Variants in NKAIN2 observed in about 807,000 individuals in gnomAD.
The protein encoded by NKAIN2 is sodium/potassium-transporting ATPase subunit beta-1-interacting protein 2.
A neutral mutation model predicts 32.6 loss-of-function variants in NKAIN2; 14 were observed. The ratio of observed to expected loss-of-function variants is 0.43; its 90% CI spans 0.28 to 0.67. NKAIN2 has a LOEUF of 0.67. Ranked by LOEUF, NKAIN2 falls within the 30% of genes least tolerant of loss-of-function variation. NKAIN2 has a pLI of 0.17. For synonymous variants in NKAIN2, 80 were observed against 87.2 expected, an observed-to-expected ratio of 0.92 and a Z score of 0.46; for missense variants, 198 against 258.3, an observed-to-expected ratio of 0.77 and a Z score of 1.60.
intron 1 of NKAIN2, among the ~76,000 whole-genome samples, chr6:123,918,135 C>G (rs538157519): frequency 3.9e-5 from 6 of 152,100 alleles, no homozygotes; most frequent in Non-Finnish European, 7.4e-5. Context: ...CATCCCTACT[C>G]CACTCCAGAG....
intron 3 of NKAIN2, among the ~76,000 whole-genome samples, chr6:124,513,713 C>A (rs2249207): frequency 0.98 from 149,863 of 152,280 alleles, 73,784 homozygotes; most frequent in Non-Finnish European, 1. Context: ...ACAGAATCAC[C>A]AAAAGTCTAT....
intron 1 of NKAIN2, among the ~76,000 whole-genome samples, chr6:124,013,952 C>T (rs568901414): frequency 6.6e-6 from 1 of 152,250 alleles, no homozygotes; most frequent in South Asian, 2.1e-4. Context: ...ACGGTACCAG[C>T]ACCTAGGTTT....
At chr6:124,287,782 T>A (rs908489939) in intron 2 of NKAIN2, among the ~76,000 whole-genome samples, 1 of 152,172 alleles carries the variant, frequency 6.6e-6, no homozygotes, top group African/African-American at 2.4e-5. Context: ...TGTTTATAAG[T>A]TAATGATAAA....
intron 3 of NKAIN2, among the ~76,000 whole-genome samples, chr6:124,521,850 A>G (rs1779130252): frequency 6.6e-6 from 1 of 151,966 alleles, no homozygotes; most frequent in Admixed American, 6.6e-5. Context: ...ACCCTTTCTC[A>G]GCAAATAAAT....
intron 3 of NKAIN2, among the ~76,000 whole-genome samples, chr6:124,585,733 ATT>A (rs1426520373): frequency 3.9e-4 from 60 of 152,356 alleles, no homozygotes; most frequent in African/African-American, 1.4e-3. Context: ...ATAAGTTATT[ATT>A]ACACACTTAT....
At chr6:124,412,767 C>T (rs1007827632) in intron 3 of NKAIN2, among the ~76,000 whole-genome samples, 13 of 152,204 alleles carry the variant, frequency 8.5e-5, no homozygotes, top group Non-Finnish European at 4.4e-5. Flanking sequence ...GCCCTGCCCC[C>T]AGAGGTGGAG....
intron 4 of NKAIN2, among the ~76,000 whole-genome samples, chr6:124,727,790 A>T (rs963944798): frequency 4.2e-4 from 11 of 26,430 alleles, no homozygotes; most frequent in African/African-American, 1.5e-3. Flanking sequence ...AAGACCCATC[A>T]GTGTGCTGTA....
intron 1 of NKAIN2, among the ~76,000 whole-genome samples, chr6:123,884,846 C>G (rs930469012): frequency 6.6e-6 from 1 of 152,026 alleles, no homozygotes; most frequent in Admixed American, 6.6e-5. Flanking sequence ...TGAGCAACAA[C>G]GTCTTGATTA....
chr6:124,581,481 A>G (rs966741924), intron 3 of NKAIN2, among the ~76,000 whole-genome samples: 1 of 149,498 alleles, frequency 6.7e-6, no homozygotes, highest in Non-Finnish European at 1.5e-5. Flanking sequence ...GAAACATTGG[A>G]CTTAATCTGA....
intron 1 of NKAIN2, among the ~76,000 whole-genome samples, chr6:124,016,369 C>T (rs1204898134): frequency 1.3e-5 from 2 of 152,110 alleles, no homozygotes; most frequent in Non-Finnish European, 2.9e-5. Flanking sequence ...CCTTCATATA[C>T]AATGTTTGTT....
chr6:124,629,147 T>C (rs1443879669), intron 3 of NKAIN2, among the ~76,000 whole-genome samples: 1 of 152,180 alleles, frequency 6.6e-6, no homozygotes, highest in African/African-American at 2.4e-5. Context: ...CTTTCTCATC[T>C]CTGAAAAACC....
intron 1 of NKAIN2, among the ~76,000 whole-genome samples, chr6:124,089,622 T>C (rs1582622038): frequency 6.6e-6 from 1 of 152,078 alleles, no homozygotes; most frequent in South Asian, 2.1e-4. Context: ...ACAAGACTAT[T>C]GCAGGCAAAC....
At chr6:124,014,359 G>T (rs1282472663) in intron 1 of NKAIN2, among the ~76,000 whole-genome samples, 1 of 151,976 alleles carries the variant, frequency 6.6e-6, no homozygotes, top group South Asian at 2.1e-4. Flanking sequence ...ATTGTAACTG[G>T]CCATTAGTCT....
At chr6:123,833,162 A>G (rs115420569) in intron 1 of NKAIN2, among the ~76,000 whole-genome samples, 1 of 151,978 alleles carries the variant, frequency 6.6e-6, no homozygotes, top group Non-Finnish European at 1.5e-5. Flanking sequence ...TTTTTTTTGC[A>G]TCTGGATGTC....
intron 4 of NKAIN2, among the ~76,000 whole-genome samples, chr6:124,721,143 G>A (rs1445516642): frequency 3.9e-5 from 6 of 152,242 alleles, no homozygotes; most frequent in East Asian, 3.9e-4. Context: ...TTGGCCGGGC[G>A]CGGTGGCTCA....
At chr6:124,793,869 A>G (rs1001576067) in intron 5 of NKAIN2, among the ~76,000 whole-genome samples, 1 of 152,180 alleles carries the variant, frequency 6.6e-6, no homozygotes, top group Non-Finnish European at 1.5e-5. Flanking sequence ...GAAAAACCAG[A>G]AAGAGTTCTA....
At chr6:124,584,901 C>T (rs1013900681) in intron 3 of NKAIN2, among the ~76,000 whole-genome samples, 1 of 152,060 alleles carries the variant, frequency 6.6e-6, no homozygotes, top group Non-Finnish European at 1.5e-5. Context: ...TTTGGAAGTT[C>T]CTCAAAAAAC....
intron 3 of NKAIN2, among the ~76,000 whole-genome samples, chr6:124,408,582 C>A (rs953785131): frequency 4.6e-5 from 7 of 152,176 alleles, no homozygotes; most frequent in African/African-American, 1.7e-4. Context: ...CAGTACCATG[C>A]TGTTTTGGTT....
In NKAIN2 at chr6:123,924,087, G is replaced by C. The variant is rs536310539; in HGVS notation, c.54+119833G>C. Among the ~76,000 whole-genome samples, 64 of 152,164 alleles carry C rather than the reference G, an allele frequency of 4.2e-4. 1 individual carries two copies. Among genetic ancestry groups the C allele is most frequent in the Non-Finnish European group, 7.8e-4 (53 of 68,010 alleles). On this transcript the variant is annotated intron_variant, in intron 1 of 6. Coordinates refer to ENST00000368417, the MANE Select transcript of NKAIN2 (RefSeq NM_001040214.3). ...ATAGAAGTACCTAATATTAACTATA[G>C]TTTTAGAAATTTAAAATTTTATTGT...
Sources: gnomAD v4.1 joint callset for allele counts (sites outside exome capture counted in the v4.1 genomes callset) on GRCh38, gnomAD v4.1.1 for gene constraint, MANE v1.5 for transcripts, NCBI Gene and HGNC (gene_info 2026-07-23, HGNC 2026-07-21) for gene names.